Variants in CARMIL1 observed in about 807,000 individuals in gnomAD.
The protein encoded by CARMIL1 is F-actin-uncapping protein LRRC16A.
A neutral mutation model predicts 177.1 loss-of-function variants in CARMIL1; 90 were observed. That is an observed-to-expected ratio of 0.51 (90% CI 0.43 to 0.61). CARMIL1 has a LOEUF of 0.61. CARMIL1 is among the 20% of genes least tolerant of loss of function. CARMIL1 has a pLI of 0.00. For synonymous variants in CARMIL1, 577 were observed against 606.2 expected (o/e 0.95, Z 0.71); for missense variants, 1,380 against 1,667.0 (o/e 0.83, Z 3.00).
chr6:25,429,129 A>G (rs1046978782), intron 4 of CARMIL1, among the ~76,000 whole-genome samples: 1 of 152,120 alleles, frequency 6.6e-6, no homozygotes, highest in Non-Finnish European at 1.5e-5. Flanking sequence ...TGCCCAGGCT[A>G]TTTCTCAGGG....
intron 2 of CARMIL1, chr6:25,388,158 C>T (rs763343910): frequency 3.9e-5 from 6 of 152,216 alleles, no homozygotes; most frequent in East Asian, 1.9e-4. Context: ...GATGTAGAAG[C>T]GTTTCTTGAT....
At chr6:25,290,723 A>G (rs190335829) in intron 2 of CARMIL1, among the ~76,000 whole-genome samples, 104 of 152,212 alleles carry the variant, frequency 6.8e-4, no homozygotes, top group Admixed American at 3.1e-3. Context: ...TTGTTTACCT[A>G]TTCTCTTTAA....
At chr6:25,617,461 A>G (rs1321281771) in intron 36 of CARMIL1, among the ~76,000 whole-genome samples, 1 of 152,200 alleles carries the variant, frequency 6.6e-6, no homozygotes, top group Admixed American at 6.5e-5. Context: ...AATTAGAACA[A>G]ATATATTTGC....
rs544656457 is a variant in CARMIL1, at chr6:25,617,859, A to G, written c.3980-1588A>G. On this transcript the variant is annotated intron_variant, in intron 36 of 36. Transcript: ENST00000329474. ...TTTTTTACCCAACACAAACTTAAAA[A>G]TAGAAATTGCACTTCAGTTTGGGTG... Among the ~76,000 whole-genome samples, 16 of 152,350 alleles carry G rather than the reference A, an allele frequency of 1.1e-4. No individual in the cohort carries two copies. In the East Asian group the frequency reaches 2.9e-3, roughly 28 times the overall value.
At chr6:25,526,802 C>G (rs1181216528) in intron 23 of CARMIL1, among the ~76,000 whole-genome samples, 1 of 152,190 alleles carries the variant, frequency 6.6e-6, no homozygotes, top group African/African-American at 2.4e-5. Flanking sequence ...ATCCTCCTGC[C>G]TCAGCCTCCC....
intron 2 of CARMIL1, among the ~76,000 whole-genome samples, chr6:25,405,353 A>G (rs1794267652): frequency 6.6e-6 from 1 of 152,192 alleles, no homozygotes; most frequent in Non-Finnish European, 1.5e-5. Context: ...GGTGATTTGT[A>G]TACCTCATAT....
chr6:25,334,254 A>C (rs1373669551), intron 2 of CARMIL1, among the ~76,000 whole-genome samples: 1 of 152,234 alleles, frequency 6.6e-6, no homozygotes, highest in Non-Finnish European at 1.5e-5. Context: ...CTGGACACAC[A>C]GAGTACCTTG....
At chr6:25,489,467 ATAATG>A (rs747188959) in intron 13 of CARMIL1, among the ~76,000 whole-genome samples, 1 of 152,218 alleles carries the variant, frequency 6.6e-6, no homozygotes, top group South Asian at 2.1e-4. Context: ...AACTGAATCA[ATAATG>A]TAATATTTGG....
intron 2 of CARMIL1, among the ~76,000 whole-genome samples, chr6:25,406,405 C>T (rs10946774): frequency 0.43 from 65,336 of 151,876 alleles, 14,259 homozygotes; most frequent in Middle Eastern, 0.57. Flanking sequence ...TGTAGTGGTG[C>T]AGAGCCACTG....
chr6:25,513,104 A>G (rs1250497814), intron 20 of CARMIL1, among the ~76,000 whole-genome samples: 1 of 152,166 alleles, frequency 6.6e-6, no homozygotes, highest in Non-Finnish European at 1.5e-5. Context: ...TAGTCCTGGA[A>G]TTGATGCTTG....
intron 2 of CARMIL1, among the ~76,000 whole-genome samples, chr6:25,358,070 A>G (rs753320815): frequency 6.6e-6 from 1 of 152,224 alleles, no homozygotes; most frequent in South Asian, 2.1e-4. Context: ...GCATTTTAAA[A>G]TAACTTTTCG....
intron 31 of CARMIL1, among the ~76,000 whole-genome samples, chr6:25,593,979 T>A (rs1814568929): frequency 1.3e-5 from 2 of 152,118 alleles, no homozygotes; most frequent in African/African-American, 4.8e-5. Context: ...AAGCCAGTAA[T>A]AGCATCTACT....
chr6:25,331,973 T>C (rs1329413082), intron 2 of CARMIL1, among the ~76,000 whole-genome samples: 1 of 152,252 alleles, frequency 6.6e-6, no homozygotes, highest in Admixed American at 6.5e-5. Flanking sequence ...TCTTGTGTGC[T>C]TCGTTTAAAG....
chr6:25,551,436 T>C (rs552807142), intron 27 of CARMIL1, among the ~76,000 whole-genome samples: 1 of 152,308 alleles, frequency 6.6e-6, no homozygotes, highest in South Asian at 2.1e-4. Flanking sequence ...CAGTTTGCTT[T>C]TTACCGTCAT....
At chr6:25,336,260 G>A (rs13215189) in intron 2 of CARMIL1, among the ~76,000 whole-genome samples, 5,868 of 152,142 alleles carry the variant, frequency 0.039, 162 homozygotes, top group Middle Eastern at 0.099. Context: ...GACAGTGACA[G>A]GTTTCATCCC....
intron 12 of CARMIL1, among the ~76,000 whole-genome samples, chr6:25,487,866 A>G (rs1404981850): frequency 2.0e-5 from 3 of 152,204 alleles, no homozygotes; most frequent in Non-Finnish European, 4.4e-5. Flanking sequence ...AGTTCAGTTT[A>G]TGTTAATTTG....
At chr6:25,338,575 G>C (rs1414473795) in intron 2 of CARMIL1, among the ~76,000 whole-genome samples, 1 of 142,522 alleles carries the variant, frequency 7.0e-6, no homozygotes, top group African/African-American at 2.6e-5. Flanking sequence ...TTTATTTCTT[G>C]ACTAGTTTTG....
intron 2 of CARMIL1, among the ~76,000 whole-genome samples, chr6:25,323,077 T>A (rs1561983335): frequency 6.6e-6 from 1 of 152,258 alleles, no homozygotes; most frequent in East Asian, 1.9e-4. Flanking sequence ...CCCAAGTAAT[T>A]CCAGATTCAT....
At chr6:25,559,176 C>G (rs1249316823) in intron 29 of CARMIL1, among the ~76,000 whole-genome samples, 1 of 152,166 alleles carries the variant, frequency 6.6e-6, no homozygotes, top group Non-Finnish European at 1.5e-5. Flanking sequence ...ATTTTCTGAG[C>G]TGGTACAAAC....
Sources: allele counts gnomAD v4.1 joint callset (sites outside exome capture counted in the v4.1 genomes callset), GRCh38; gene constraint gnomAD v4.1.1; transcripts MANE v1.5; gene names NCBI Gene and HGNC (gene_info 2026-07-23, HGNC 2026-07-21).